Variants in CLSTN2 observed in about 807,000 individuals in gnomAD.
CLSTN2 encodes calsyntenin 2, also known as calsyntenin-2.
Under a neutral mutation model 101.2 loss-of-function variants are expected in CLSTN2, and 48 were observed. The ratio of observed to expected loss-of-function variants is 0.47; its 90% CI spans 0.38 to 0.60. CLSTN2 has a LOEUF of 0.60. CLSTN2 is among the 20% of genes least tolerant of loss of function. The pLI, the probability that CLSTN2 is intolerant of heterozygous loss-of-function variation, is 0.00. For missense variants in CLSTN2, 1,160 were observed against 1,238.2 expected, an observed-to-expected ratio of 0.94 and a Z score of 0.95; for synonymous variants, 481 against 463.6, an observed-to-expected ratio of 1.04 and a Z score of -0.48.
intron 5 of CLSTN2, among the ~76,000 whole-genome samples, chr3:140,447,158 A>T (rs371971751): frequency 1.3e-5 from 2 of 152,236 alleles, no homozygotes; most frequent in East Asian, 1.9e-4. Flanking sequence ...CTCATGGGTG[A>T]GGTCAGGCAA....
intron 2 of CLSTN2, among the ~76,000 whole-genome samples, chr3:140,284,556 A>T (rs1340457050): frequency 6.6e-6 from 1 of 152,132 alleles, no homozygotes; most frequent in Non-Finnish European, 1.5e-5. Flanking sequence ...TGGATTTCCT[A>T]GCTCAAGAGC....
Position 140,121,099 on chromosome 3 carries a change from A to G in CLSTN2, c.110-54852A>G, listed in dbSNP as rs2009332812. ...GTGGACAGGGGTGAGGGAAACCACA[A>G]GAAGTAGTGCGGTGTCTCAGAGCTA... is the stretch of plus-strand genomic sequence containing the variant. On this transcript the variant is annotated intron_variant, in intron 1 of 16. Transcript: ENST00000458420. Among the ~76,000 whole-genome samples the G allele has an allele frequency of 2.6e-5, 4 of 152,178 alleles. No individual in the cohort carries two copies. In the South Asian group the frequency reaches 8.3e-4, roughly 32 times the overall value.
intron 2 of CLSTN2, among the ~76,000 whole-genome samples, chr3:140,345,330 C>T (rs1576525106): frequency 6.6e-6 from 1 of 150,756 alleles, no homozygotes. Flanking sequence ...CTCACTGCAA[C>T]CTATGCCTCC....
At chr3:139,997,522 C>G (rs1026598227) in intron 1 of CLSTN2, among the ~76,000 whole-genome samples, 4 of 152,102 alleles carry the variant, frequency 2.6e-5, no homozygotes, top group Non-Finnish European at 5.9e-5. Context: ...ATGAAGATCT[C>G]TTTATGTGCT....
intron 1 of CLSTN2, among the ~76,000 whole-genome samples, chr3:140,096,153 T>G (rs377158502): frequency 1.4e-4 from 21 of 152,306 alleles, no homozygotes; most frequent in African/African-American, 4.8e-4. Flanking sequence ...TTCATCATCC[T>G]CATGCCTTCC....
intron 1 of CLSTN2, among the ~76,000 whole-genome samples, chr3:140,078,626 A>G (rs914953124): frequency 1.3e-5 from 2 of 152,250 alleles, no homozygotes; most frequent in Admixed American, 6.5e-5. Context: ...GTGGTGATCT[A>G]CCAGTGCTGT....
intron 5 of CLSTN2, among the ~76,000 whole-genome samples, chr3:140,446,267 T>A (rs1341999946): frequency 6.6e-6 from 1 of 152,156 alleles, no homozygotes; most frequent in African/African-American, 2.4e-5. Context: ...CTAATCCAGA[T>A]ACAGCTCCTA....
At chr3:140,505,409 C>G (rs1934668107) in intron 8 of CLSTN2, among the ~76,000 whole-genome samples, 1 of 152,184 alleles carries the variant, frequency 6.6e-6, no homozygotes, top group African/African-American at 2.4e-5. Flanking sequence ...ATCAGATACA[C>G]ACACAGGCAG....
intron 2 of CLSTN2, among the ~76,000 whole-genome samples, chr3:140,288,351 G>A (rs893528930): frequency 1.8e-4 from 27 of 152,242 alleles, no homozygotes; most frequent in South Asian, 1.0e-3. Context: ...ATGCCAGGAT[G>A]AGTGTGCTGC....
intron 1 of CLSTN2, among the ~76,000 whole-genome samples, chr3:139,960,371 T>C (rs908649039): frequency 2.6e-5 from 4 of 152,322 alleles, no homozygotes; most frequent in African/African-American, 4.8e-5. Flanking sequence ...CTCCTCACTA[T>C]ATTCTCTGTC....
intron 2 of CLSTN2, among the ~76,000 whole-genome samples, chr3:140,243,340 A>G (rs916418340): frequency 6.6e-6 from 1 of 152,238 alleles, no homozygotes; most frequent in African/African-American, 2.4e-5. Flanking sequence ...AAAAGAAACC[A>G]TTGATGGGTA....
At chr3:140,422,189 T>C (rs998611335) in intron 5 of CLSTN2, among the ~76,000 whole-genome samples, 1 of 148,502 alleles carries the variant, frequency 6.7e-6, no homozygotes. Context: ...CTCTCTTTCT[T>C]TCTCTCTCTC....
chr3:140,504,256 T>C (rs561071673), intron 8 of CLSTN2, among the ~76,000 whole-genome samples: 1 of 152,286 alleles, frequency 6.6e-6, no homozygotes, highest in African/African-American at 2.4e-5. Flanking sequence ...TGAGAGCCTT[T>C]ATTGTCATTA....
At chr3:139,991,742 C>G (rs1936118360) in intron 1 of CLSTN2, among the ~76,000 whole-genome samples, 1 of 152,174 alleles carries the variant, frequency 6.6e-6, no homozygotes. Context: ...CTCGAACACA[C>G]AAACAGAGAA....
intron 1 of CLSTN2, among the ~76,000 whole-genome samples, chr3:139,941,571 G>A (rs1358920818): frequency 4.6e-5 from 7 of 152,158 alleles, no homozygotes; most frequent in African/African-American, 1.7e-4. Context: ...CATAGATTGT[G>A]CATCACAGAC....
At chr3:140,224,264 C>T (rs1226253431) in intron 2 of CLSTN2, among the ~76,000 whole-genome samples, 1 of 152,194 alleles carries the variant, frequency 6.6e-6, no homozygotes, top group East Asian at 1.9e-4. Flanking sequence ...TCCACTTTCT[C>T]ATCTACAGAA....
chr3:140,317,065 G>T (rs956713106), intron 2 of CLSTN2, among the ~76,000 whole-genome samples: 1 of 152,128 alleles, frequency 6.6e-6, no homozygotes, highest in Non-Finnish European at 1.5e-5. Context: ...ATCATCAGAG[G>T]TATTTCCAGT....
At chr3:140,112,725 C>T (rs746283146) in intron 1 of CLSTN2, among the ~76,000 whole-genome samples, 6 of 152,140 alleles carry the variant, frequency 3.9e-5, no homozygotes, top group Non-Finnish European at 7.4e-5. Context: ...GCACGTCTGA[C>T]CTAGCAGGCA....
chr3:140,027,556 G>T (rs950076652), intron 1 of CLSTN2, among the ~76,000 whole-genome samples: 5 of 152,136 alleles, frequency 3.3e-5, no homozygotes, highest in African/African-American at 1.2e-4. Context: ...CTCCCAGTTT[G>T]TGGTAATTTG....
Sources: allele counts gnomAD v4.1 joint callset (sites outside exome capture counted in the v4.1 genomes callset), GRCh38; gene constraint gnomAD v4.1.1; transcripts MANE v1.5; gene names NCBI Gene and HGNC (gene_info 2026-07-23, HGNC 2026-07-21).